Variants in EPHA6 observed in about 807,000 individuals in gnomAD.
The protein encoded by EPHA6 is ephrin type-A receptor 6.
Under a neutral mutation model 112.0 loss-of-function variants are expected in EPHA6, and 50 were observed. The ratio of observed to expected loss-of-function variants is 0.45; its 90% confidence interval spans 0.36 to 0.56. EPHA6 has a LOEUF of 0.56. Ranked by LOEUF, EPHA6 falls within the 20% of genes least tolerant of loss-of-function variation. The pLI is 0.00. For synonymous variants in EPHA6, 529 were observed against 490.7 expected (o/e 1.08, Z -1.03); for missense variants, 1,280 against 1,417.4 (o/e 0.90, Z 1.56).
At chr3:97,331,342 G>C in intron 5 of EPHA6, among the ~76,000 whole-genome samples, 1 of 152,056 alleles carries the variant, frequency 6.6e-6, no homozygotes, top group East Asian at 1.9e-4. Flanking sequence ...AAAAGAACTG[G>C]AGAAGCAAGA....
intron 1 of EPHA6, among the ~76,000 whole-genome samples, chr3:96,846,302 G>A (rs2035069285): frequency 1.3e-5 from 2 of 151,984 alleles, no homozygotes; most frequent in Admixed American, 6.6e-5. Context: ...ATAATTTCCT[G>A]AGAAGCTTGT....
intron 3 of EPHA6, among the ~76,000 whole-genome samples, chr3:97,146,554 A>G (rs1174152893): frequency 6.6e-6 from 1 of 151,828 alleles, no homozygotes; most frequent in Non-Finnish European, 1.5e-5. Context: ...ACAGCTTCCA[A>G]CCTTCTTAAT....
chr3:96,899,367 A>T (rs1017425298), intron 2 of EPHA6, among the ~76,000 whole-genome samples: 1 of 152,192 alleles, frequency 6.6e-6, no homozygotes, highest in Admixed American at 6.5e-5. Context: ...ACATATGCAA[A>T]GACTTTATTT....
intron 14 of EPHA6, among the ~76,000 whole-genome samples, chr3:97,694,163 G>A (rs2032861092): frequency 1.3e-5 from 2 of 151,878 alleles, no homozygotes; most frequent in Admixed American, 1.3e-4. Flanking sequence ...ACTATTGTGT[G>A]ACCTAGAGAG....
intron 15 of EPHA6, among the ~76,000 whole-genome samples, chr3:97,721,779 G>A (rs918472206): frequency 3.3e-5 from 5 of 152,204 alleles, no homozygotes; most frequent in Non-Finnish European, 7.3e-5. Context: ...CTGCCATTGG[G>A]CTTTGTTTGG....
chr3:97,075,331 G>T (rs994287487), intron 3 of EPHA6, among the ~76,000 whole-genome samples: 3 of 151,774 alleles, frequency 2.0e-5, no homozygotes, highest in Admixed American at 2.0e-4. Flanking sequence ...ACTAGATGTC[G>T]CATGTTCCAG....
At chr3:97,426,692 A>G (rs190331493) in intron 6 of EPHA6, among the ~76,000 whole-genome samples, 1 of 152,324 alleles carries the variant, frequency 6.6e-6, no homozygotes, top group Admixed American at 6.5e-5. Flanking sequence ...AACATTGTCA[A>G]GTGGAACATG....
At chr3:97,226,173 A>T in intron 3 of EPHA6, 91 bp from the exon 4 acceptor site, 1 of 993,798 alleles carries the variant, frequency 1.0e-6, no homozygotes. Flanking sequence ...CTGAGATCCA[A>T]TGTGAATATA....
At chr3:96,911,249 CAT>C (rs1576008029) in intron 2 of EPHA6, among the ~76,000 whole-genome samples, 1 of 151,922 alleles carries the variant, frequency 6.6e-6, no homozygotes, top group East Asian at 1.9e-4. Context: ...TTATTGAAAA[CAT>C]ATTTTGTGAG....
chr3:96,963,293 AGTTT>A (rs1284644545), intron 2 of EPHA6, among the ~76,000 whole-genome samples: 3 of 152,156 alleles, frequency 2.0e-5, no homozygotes, highest in Non-Finnish European at 4.4e-5. Flanking sequence ...ATAATGCGTT[AGTTT>A]GTCATTTTCA....
chr3:97,491,618 CT>C (rs5851067), intron 10 of EPHA6, among the ~76,000 whole-genome samples: 125,438 of 139,654 alleles, frequency 0.9, 57,176 homozygotes, highest in South Asian at 0.99. Flanking sequence ...TAAGGGTATG[CT>C]TTTTTTTTTT....
intron 3 of EPHA6, among the ~76,000 whole-genome samples, chr3:97,052,269 T>C (rs2045707575): frequency 6.6e-6 from 1 of 152,104 alleles, no homozygotes; most frequent in Admixed American, 6.6e-5. Context: ...TTATATTGCC[T>C]TGAGATATCT....
At chr3:97,118,299 A>G (rs1413679968) in intron 3 of EPHA6, among the ~76,000 whole-genome samples, 2 of 150,772 alleles carry the variant, frequency 1.3e-5, no homozygotes, top group Admixed American at 6.6e-5. Context: ...TTTTTTTTTC[A>G]TACTTTTGCT....
At position 96,937,479 on chromosome 3, in the gene EPHA6, G is replaced by T. The variant is rs562973154; in HGVS notation, c.451-49851G>T. 3.2e-3 allele frequency among the ~76,000 whole-genome samples: 481 copies of T among 151,698 alleles called. 4 individuals are homozygous for T. Among genetic ancestry groups the T allele is most frequent in the African/African-American group, 9.8e-3 (407 of 41,340 alleles). ...GTTTGTTTTTTCTTGTGAATTTGTT[G>T]GAGTTCATTGTAGATTCTGGATATT... On this transcript the variant is annotated intron_variant, in intron 2 of 17. Coordinates refer to ENST00000389672, the MANE Select transcript of EPHA6 (RefSeq NM_001080448.3).
At chr3:96,894,419 C>G (rs931778492) in intron 2 of EPHA6, among the ~76,000 whole-genome samples, 14 of 152,072 alleles carry the variant, frequency 9.2e-5, no homozygotes, top group Admixed American at 6.5e-5. Context: ...CTCCAGACAA[C>G]TCTCTGATCC....
intron 14 of EPHA6, among the ~76,000 whole-genome samples, chr3:97,662,461 C>A (rs190384721): frequency 1.1e-4 from 16 of 152,068 alleles, no homozygotes; most frequent in Admixed American, 1.0e-3. Flanking sequence ...CAGTAAGGAC[C>A]TCTCACCTGC....
chr3:97,549,185 A>T (rs778750800), intron 11 of EPHA6, among the ~76,000 whole-genome samples: 1 of 152,228 alleles, frequency 6.6e-6, no homozygotes, highest in Non-Finnish European at 1.5e-5. Flanking sequence ...ACTATAAAAC[A>T]CTATGTGGTT....
Position 97,761,181 on chromosome 3 carries a change from C to T in EPHA6, c.*12480C>T, listed in dbSNP as rs1235190098. ...AGTCCAGACTTATTTGAAGGTGGTACTATTTTTATCTTACAAAAATCTACT... is the reference window on the plus strand; with the variant it reads ...AGTCCAGACTTATTTGAAGGTGGTATTATTTTTATCTTACAAAAATCTACT... On this transcript the variant is annotated 3_prime_UTR_variant, in exon 18 of 18. Coordinates refer to ENST00000389672, the MANE Select transcript of EPHA6 (RefSeq NM_001080448.3). 1 of 199,372 alleles carries T rather than the reference C, an allele frequency of 5.0e-6. No homozygotes were observed. Among genetic ancestry groups the T allele is most frequent in the Non-Finnish European group, 1.0e-5 (1 of 96,520 alleles). The allele number at this position is 199,372 out of a possible 1,614,324, so 12.4% of individuals were successfully genotyped here.
chr3:97,606,552 G>T (rs2093681423), intron 12 of EPHA6, among the ~76,000 whole-genome samples: 1 of 151,268 alleles, frequency 6.6e-6, no homozygotes, highest in South Asian at 2.1e-4. Context: ...AACAGGAAAA[G>T]AAAGTTCAAA....
Sources: gnomAD v4.1 joint callset for allele counts (sites outside exome capture counted in the v4.1 genomes callset) on GRCh38, gnomAD v4.1.1 for gene constraint, MANE v1.5 for transcripts, NCBI Gene and HGNC (gene_info 2026-07-23, HGNC 2026-07-21) for gene names.